The following ATG101 variants were observed in gnomAD, a reference collection of about 807,000 sequenced individuals.
The protein encoded by ATG101 is autophagy related 101.
Under a neutral mutation model 16.7 loss-of-function variants are expected in ATG101, and 6 were observed. The observed-to-expected ratio is 0.36, with a 90% CI of 0.20 to 0.71. The LOEUF (loss-of-function observed/expected upper bound fraction) is 0.71. Ranked by LOEUF, ATG101 falls within the 30% of genes least tolerant of loss-of-function variation. ATG101 has a pLI of 0.57. For synonymous variants in ATG101, 108 were observed against 118.1 expected, an observed-to-expected ratio of 0.91 and a Z score of 0.56; for missense variants, 200 against 292.5, an observed-to-expected ratio of 0.68 and a Z score of 2.31.
At chr12:52,069,417 C>G (rs1355775238), upstream of ATG101, 1 of 152,304 alleles carries the variant, frequency 6.6e-6, no homozygotes, top group East Asian at 1.9e-4. Context: ...CCAGGGATCC[C>G]GTCTGTTACG....
intron 3 of ATG101, among the ~76,000 whole-genome samples, chr12:52,074,106 G>A (rs1379188671): frequency 2.6e-5 from 4 of 152,220 alleles, no homozygotes; most frequent in South Asian, 2.1e-4. Context: ...TGTGGTGGGG[G>A]AGGGAGAGAC....
At chr12:52,076,698 G>C in intron 3 of ATG101, 88 bp from the exon 4 acceptor site, 4 of 1,448,520 alleles carry the variant, frequency 2.8e-6, no homozygotes, top group Non-Finnish European at 2.8e-6. Flanking sequence ...AGAGCTAAGA[G>C]AGCATAATTC....
At chr12:52,066,941 T>C (rs916254340), upstream of ATG101, among the ~76,000 whole-genome samples, 3 of 152,198 alleles carry the variant, frequency 2.0e-5, no homozygotes, top group Admixed American at 6.5e-5. Context: ...GACCCTTCCC[T>C]CTCAATATTT....
At chr12:52,075,597 C>T (rs1006084956) in intron 3 of ATG101, among the ~76,000 whole-genome samples, 2 of 152,204 alleles carry the variant, frequency 1.3e-5, no homozygotes, top group African/African-American at 2.4e-5. Context: ...TTCAGGCATC[C>T]TTACCCTCTG....
Position 52,073,769 on chromosome 12 carries a change from A to G in ATG101, c.119A>G (p.Lys40Arg), listed in dbSNP as rs1052149744. The G allele has an allele frequency of 2.5e-6, 4 of 1,614,104 alleles. No homozygotes were observed. The African/African-American group carries it at 4.0e-5, about 16-fold the overall frequency. ...CGCAGCACAGGCAAGTTCCACTACA[A>G]GAAGGAGGGCACCTACTCCATTGGC... ...LHRSTGKFHYKKEGTYSIGTV... is the reference protein window; with the variant it reads ...LHRSTGKFHYRKEGTYSIGTV... The change falls in exon 3 of 4, where the codon AAG becomes AGG. Residue 40 changes from lysine (K) to arginine (R), a missense_variant. Lys to Arg is a conservative substitution (Grantham distance 26). Transcript: ENST00000336854.
upstream of ATG101, among the ~76,000 whole-genome samples, chr12:52,067,623 CTT>C (rs1939561618): frequency 6.6e-6 from 1 of 151,684 alleles, no homozygotes; most frequent in Non-Finnish European, 1.5e-5. Context: ...GAGTCTCGCT[CTT>C]TCACCAGGCT....
chr12:52,071,041 TGAATG>T (rs1321924924), intron 2 of ATG101: 3 of 152,356 alleles, frequency 2.0e-5, no homozygotes, highest in African/African-American at 7.2e-5. Flanking sequence ...ATTATAGTGA[TGAATG>T]GAATATAGTC....
chr12:52,066,176 C>T (rs188320316), upstream of ATG101, among the ~76,000 whole-genome samples: 46 of 152,210 alleles, frequency 3.0e-4, 1 homozygote, highest in Admixed American at 7.8e-4. Flanking sequence ...CACACCCGGC[C>T]GAGAGGGATT....
intron 3 of ATG101, among the ~76,000 whole-genome samples, chr12:52,074,668 G>T (rs1939705286): frequency 6.6e-6 from 1 of 151,216 alleles, no homozygotes; most frequent in Admixed American, 6.6e-5. Context: ...AATTTTTGAA[G>T]ATTTATTTTG....
intron 2 of ATG101, among the ~76,000 whole-genome samples, chr12:52,073,230 C>T (rs535608023): frequency 6.6e-6 from 1 of 152,318 alleles, no homozygotes; most frequent in African/African-American, 2.4e-5. Context: ...GTACTCTCTC[C>T]GTGGTGATAA....
chr12:52,066,743 A>AGTG (rs1183526156), upstream of ATG101, among the ~76,000 whole-genome samples: 1 of 152,012 alleles, frequency 6.6e-6, no homozygotes, highest in Non-Finnish European at 1.5e-5. Context: ...GATTGGTAGT[A>AGTG]GTGATGATGA....
chr12:52,074,961 A>C (rs1360217119), intron 3 of ATG101, among the ~76,000 whole-genome samples: 2 of 151,798 alleles, frequency 1.3e-5, no homozygotes, highest in African/African-American at 4.8e-5. Context: ...CCTGTCTCCA[A>C]AAAAAAATAA....
chr12:52,065,607 T>G (rs1939541079), upstream of ATG101, among the ~76,000 whole-genome samples: 1 of 152,040 alleles, frequency 6.6e-6, no homozygotes. Context: ...AAGAGGCAAG[T>G]GTGGGTCAGC....
Position 52,076,990 on chromosome 12 carries a change from A to G in ATG101, c.457A>G (p.Ile153Val), listed in dbSNP as rs1363167172. ...GGGTGAGAAACTCTGCGAGAAGATC[A>G]TCAACATCGTGGAGGTGATGAATCG... ...KVGEKLCEKI[I>V]NIVEVMNRHE... Residue 153 changes from isoleucine (I) to valine (V), a missense_variant, in exon 4 of 4, where the codon ATC (isoleucine) becomes GTC (valine). By Grantham distance (29) the Ile-to-Val change is conservative. Coordinates refer to ENST00000336854, the MANE Select transcript of ATG101 (RefSeq NM_021934.5). The G allele has an allele frequency of 6.2e-7, 1 of 1,614,220 alleles. No individual in the cohort carries two copies. Among genetic ancestry groups the G allele is most frequent in the South Asian group, 1.1e-5 (1 of 91,084 alleles).
rs148342521 is a variant in ATG101 at position 52,077,081 on chromosome 12, G to A, written c.548G>A (p.Arg183Gln). The change falls in exon 4 of 4, where the codon CGG (arginine) becomes CAG (glutamine). Residue 183 changes from arginine to glutamine, a missense_variant. Arg to Gln is a conservative substitution (Grantham distance 43, BLOSUM62 1). Coordinates refer to ENST00000336854, the MANE Select transcript of ATG101 (RefSeq NM_021934.5). ...EVDNVFDTGLRDVQPYLYKIS... is the reference protein window; with the variant it reads ...EVDNVFDTGLQDVQPYLYKIS... ...GATAACGTGTTTGACACAGGCTTGC[G>A]GGACGTGCAGCCCTACCTGTACAAG... 31 of 1,614,062 alleles carry A rather than the reference G, an allele frequency of 1.9e-5. No homozygotes were observed. In the African/African-American group the frequency reaches 3.3e-4, roughly 17 times the overall value.
At chr12:52,065,410 G>A (rs1234047906), upstream of ATG101, among the ~76,000 whole-genome samples, 1 of 117,604 alleles carries the variant, frequency 8.5e-6, no homozygotes, top group African/African-American at 3.3e-5. Context: ...ACAGTTCCAC[G>A]TGTGGCATGA....
upstream of ATG101, among the ~76,000 whole-genome samples, chr12:52,068,847 C>T (rs1024282367): frequency 4.0e-5 from 6 of 151,118 alleles, no homozygotes; most frequent in Admixed American, 6.6e-5. Context: ...AAAAATTAGC[C>T]GGGCGTGGTG....
chr12:52,066,177 G>A (rs910886485), upstream of ATG101, among the ~76,000 whole-genome samples: 6 of 152,178 alleles, frequency 3.9e-5, no homozygotes, highest in East Asian at 7.7e-4. Flanking sequence ...ACACCCGGCC[G>A]AGAGGGATTT....
chr12:52,072,355 T>C (rs1939663820), intron 2 of ATG101, among the ~76,000 whole-genome samples: 1 of 152,244 alleles, frequency 6.6e-6, no homozygotes, highest in Non-Finnish European at 1.5e-5. Context: ...TTCTCACTAC[T>C]ATCCCCATTT....
Sources: allele counts gnomAD v4.1 joint callset (sites outside exome capture counted in the v4.1 genomes callset), GRCh38; gene constraint gnomAD v4.1.1; transcripts MANE v1.5; gene names NCBI Gene and HGNC (gene_info 2026-07-23, HGNC 2026-07-21).